CLIC5: variants seen among roughly 807,000 people sequenced by gnomAD.
The protein encoded by CLIC5 is chloride intracellular channel protein 5.
CLIC5 carries 20 observed loss-of-function variants against 24.7 expected under a neutral mutation model. The ratio of observed to expected loss-of-function variants is 0.81; its 90% CI spans 0.57 to 1.18. CLIC5 has a LOEUF of 1.18. Ranked by LOEUF, CLIC5 falls within the 50% of genes most tolerant of loss-of-function variation. The pLI, the probability that CLIC5 is intolerant of heterozygous loss-of-function variation, is 0.00. For missense variants in CLIC5, 341 were observed against 326.1 expected (o/e 1.05, Z -0.35); for synonymous variants, 159 against 135.6 (o/e 1.17, Z -1.20).
intron 6 of CLIC5, among the ~76,000 whole-genome samples, chr6:45,892,447 G>A (rs191146070): frequency 6.6e-5 from 10 of 152,304 alleles, no homozygotes; most frequent in Admixed American, 6.5e-4. Flanking sequence ...CCCAGCATTT[G>A]ACTGGCTTTT....
intron 5 of CLIC5, among the ~76,000 whole-genome samples, chr6:45,909,692 C>G (rs1378153536): frequency 6.6e-6 from 1 of 152,214 alleles, no homozygotes; most frequent in Non-Finnish European, 1.5e-5. Flanking sequence ...ACCTTTTTCT[C>G]TAGCTGCCTT....
At chr6:46,050,842 A>AGTGTGTGTGT in intron 1 of CLIC5, among the ~76,000 whole-genome samples, 1 of 93,194 alleles carries the variant, frequency 1.1e-5, no homozygotes, top group Non-Finnish European at 2.3e-5. Flanking sequence ...TAAGGTATAA[A>AGTGTGTGTGT]GTGTGTGTGT....
chr6:46,042,142 A>G (rs2127460941), intron 1 of CLIC5, among the ~76,000 whole-genome samples: 1 of 152,316 alleles, frequency 6.6e-6, no homozygotes, highest in Non-Finnish European at 1.5e-5. Flanking sequence ...CCAAAACCAA[A>G]CTAAAATGGG....
intron 1 of CLIC5, among the ~76,000 whole-genome samples, chr6:45,969,168 G>T (rs1765111816): frequency 6.6e-6 from 1 of 152,130 alleles, no homozygotes; most frequent in South Asian, 2.1e-4. Flanking sequence ...GCACGGGCTG[G>T]ATAAATGTTT....
the CLIC5 span, among the ~76,000 whole-genome samples, chr6:46,106,655 T>C: frequency 6.6e-6 from 1 of 152,230 alleles, no homozygotes; most frequent in African/African-American, 2.4e-5. Context: ...GGTTTCTAAA[T>C]TTCCTCTAGG....
intron 1 of CLIC5, among the ~76,000 whole-genome samples, chr6:46,004,643 A>C (rs371704774): frequency 6.6e-6 from 1 of 152,170 alleles, no homozygotes; most frequent in African/African-American, 2.4e-5. Flanking sequence ...ACATCTGAAC[A>C]GTGAAGACTG....
intron 3 of CLIC5, among the ~76,000 whole-genome samples, chr6:45,945,815 G>T (rs942817883): frequency 2.0e-5 from 3 of 152,154 alleles, no homozygotes; most frequent in African/African-American, 7.2e-5. Context: ...TATACATTTT[G>T]TAAAATAATG....
the CLIC5 span, among the ~76,000 whole-genome samples, chr6:46,118,456 A>G: frequency 6.6e-6 from 1 of 152,220 alleles, no homozygotes; most frequent in Non-Finnish European, 1.5e-5. Flanking sequence ...TTTATGGGGC[A>G]CAACAGGCAT....
chr6:46,096,003 C>T, the CLIC5 span, among the ~76,000 whole-genome samples: 1 of 152,356 alleles, frequency 6.6e-6, no homozygotes, highest in East Asian at 1.9e-4. Context: ...AATTGACTCA[C>T]TGCTCTACAA....
At chr6:45,913,695 T>A (rs980245228) in intron 5 of CLIC5, 2 of 882,210 alleles carry the variant, frequency 2.3e-6, no homozygotes, top group Non-Finnish European at 3.0e-6. Context: ...GGTTAGTAAG[T>A]GCAATGATAG....
the CLIC5 span, among the ~76,000 whole-genome samples, chr6:46,097,939 C>G: frequency 6.6e-6 from 1 of 152,124 alleles, no homozygotes; most frequent in Non-Finnish European, 1.5e-5. Flanking sequence ...GGTGTACACA[C>G]GTCTTCTTAC....
At chr6:46,012,110 C>G (rs922059301) in intron 1 of CLIC5, among the ~76,000 whole-genome samples, 1 of 152,246 alleles carries the variant, frequency 6.6e-6, no homozygotes, top group Non-Finnish European at 1.5e-5. Flanking sequence ...TGCTCCCAAA[C>G]TATCCTGGGT....
At chr6:46,094,452 T>C in the CLIC5 span, among the ~76,000 whole-genome samples, 114 of 152,034 alleles carry the variant, frequency 7.5e-4, no homozygotes, top group Middle Eastern at 3.4e-3. Context: ...CAAAATACAA[T>C]GGGGATATAG....
intron 1 of CLIC5, among the ~76,000 whole-genome samples, chr6:46,072,010 C>A (rs1762612167): frequency 6.6e-6 from 1 of 152,116 alleles, no homozygotes; most frequent in South Asian, 2.1e-4. Flanking sequence ...CGCATGCTCT[C>A]ACCCATAAGT....
chr6:46,081,627 T>C (rs115882823), upstream of CLIC5, among the ~76,000 whole-genome samples: 1 of 152,292 alleles, frequency 6.6e-6, no homozygotes, highest in Non-Finnish European at 1.5e-5. Context: ...TTTTGATAGG[T>C]TCTATAATCA....
intron 1 of CLIC5, among the ~76,000 whole-genome samples, chr6:46,052,682 A>G (rs924637895): frequency 1.3e-5 from 2 of 152,142 alleles, no homozygotes; most frequent in African/African-American, 4.8e-5. Flanking sequence ...TCCTAGAACA[A>G]CTTTGCCAGA....
chr6:45,903,008 T>C lies in CLIC5; in HGVS notation c.*80A>G. ...TAAAAAGTGCGCCTCAAGGCAGTGA[T>C]ACAGAGGAGTCTATGAAGCTGGAGT... On this transcript the variant is annotated 3_prime_UTR_variant, in exon 6 of 6. Transcript: ENST00000339561. 6.7e-7 allele frequency: 1 copy of C among 1,501,740 alleles called. No individual in the cohort carries two copies. The highest frequency in any genetic ancestry group is 9.2e-7 in the Non-Finnish European group (1 of 1,085,616). 93.0% of individuals were successfully genotyped at this position (1,501,740 alleles called of 1,614,324 possible). A position where few individuals can be genotyped will look rare whatever the true frequency, so the allele number is the denominator to read the frequency against.
rs1371086616 is a variant in CLIC5, at chr6:45,982,204, C to T, written c.64-26960G>A. Among the ~76,000 whole-genome samples the T allele has an allele frequency of 2.0e-5, 3 of 152,122 alleles. No individual in the cohort carries two copies. The South Asian group carries it at 6.2e-4, about 32-fold the overall frequency. On this transcript the variant is annotated intron_variant, in intron 1 of 5. Transcript: ENST00000339561. Reference sequence around the variant, plus strand: ...AGGTGAACAAACCTTGGACACCTAACCATGCAGGGGCTGTGATTCTTGTCC... The same window carrying T: ...AGGTGAACAAACCTTGGACACCTAATCATGCAGGGGCTGTGATTCTTGTCC...
chr6:46,034,592 ACC>A (rs1767610218), intron 1 of CLIC5, among the ~76,000 whole-genome samples: 1 of 152,012 alleles, frequency 6.6e-6, no homozygotes, highest in African/African-American at 2.4e-5. Flanking sequence ...ACAGAACAAG[ACC>A]CTGTCTCTTT....
Sources: allele counts gnomAD v4.1 joint callset (sites outside exome capture counted in the v4.1 genomes callset), GRCh38; gene constraint gnomAD v4.1.1; transcripts MANE v1.5; gene names NCBI Gene and HGNC (gene_info 2026-07-23, HGNC 2026-07-21).